The following CPEB3 variants were observed in gnomAD, a reference collection of about 807,000 sequenced individuals.
CPEB3 encodes the protein cytoplasmic polyadenylation element-binding protein 3.
CPEB3 carries 20 observed loss-of-function variants against 67.2 expected under a neutral mutation model. The observed-to-expected ratio is 0.30, with a 90% CI of 0.21 to 0.43. The LOEUF (loss-of-function observed/expected upper bound fraction) is 0.43. Ranked by LOEUF, CPEB3 falls within the 20% of genes least tolerant of loss-of-function variation. CPEB3 has a pLI of 1.00. For missense variants in CPEB3, 746 were observed against 968.6 expected (o/e 0.77, Z 3.05); for synonymous variants, 376 against 393.1 (o/e 0.96, Z 0.51).
intron 4 of CPEB3, among the ~76,000 whole-genome samples, chr10:92,172,781 T>G (rs1226623998): frequency 6.6e-6 from 1 of 152,202 alleles, no homozygotes; most frequent in African/African-American, 2.4e-5. Flanking sequence ...TGGGGTAAAG[T>G]TGGTGCTCAA....
rs1590029075 is a variant in CPEB3 at position 92,049,463 on chromosome 10, C to T, written c.*2749G>A. 1 of 152,282 alleles carries T rather than the reference C, an allele frequency of 6.6e-6. No individual in the cohort carries two copies. Among genetic ancestry groups the T allele is most frequent in the East Asian group, 1.9e-4 (1 of 5,190 alleles). The allele number at this position is 152,282 out of a possible 1,614,324, so 9.4% of individuals were successfully genotyped here. ...TAATATAACATTAACAACTTGGGGG[C>T]ACATTTATTTACAAAACAAAAGGGA... On this transcript the variant is annotated 3_prime_UTR_variant, in exon 10 of 10. Coordinates refer to ENST00000265997, the MANE Select transcript of CPEB3 (RefSeq NM_014912.5).
Position 92,049,078 on chromosome 10 carries a change from G to C in CPEB3, c.*3134C>G, listed in dbSNP as rs1852197387. 6.6e-6 allele frequency: 1 copy of C among 152,416 alleles called. No individual in the cohort carries two copies. Among genetic ancestry groups the C allele is most frequent in the African/African-American group, 2.4e-5 (1 of 41,370 alleles). The allele number at this position is 152,416 out of a possible 1,614,324, so 9.4% of individuals were successfully genotyped here. On this transcript the variant is annotated 3_prime_UTR_variant, in exon 10 of 10. Transcript: ENST00000265997. ...AATGAAAATTTGTCTCAGTACAAAGGCTACATTACTATTGAAAAAATACCA... is the reference window on the plus strand; with the variant it reads ...AATGAAAATTTGTCTCAGTACAAAGCCTACATTACTATTGAAAAAATACCA...
At chr10:92,082,555 C>T (rs917751181) in intron 8 of CPEB3, among the ~76,000 whole-genome samples, 1 of 152,278 alleles carries the variant, frequency 6.6e-6, no homozygotes, top group South Asian at 2.1e-4. Context: ...GCTGGGATTA[C>T]AGGCATGAGC....
At chr10:92,156,526 T>G (rs557560437) in intron 4 of CPEB3, among the ~76,000 whole-genome samples, 1 of 152,152 alleles carries the variant, frequency 6.6e-6, no homozygotes, top group Non-Finnish European at 1.5e-5. Flanking sequence ...GGTGACTGAT[T>G]AGTACGTGAG....
intron 1 of CPEB3, among the ~76,000 whole-genome samples, chr10:92,273,110 GAGA>G (rs1853374850): frequency 6.6e-6 from 1 of 152,178 alleles, no homozygotes; most frequent in African/African-American, 2.4e-5. Flanking sequence ...TGTGGTAAGA[GAGA>G]AGGATGACTC....
chr10:92,247,461 G>A (rs1852120366), intron 1 of CPEB3, among the ~76,000 whole-genome samples: 1 of 151,914 alleles, frequency 6.6e-6, no homozygotes, highest in South Asian at 2.1e-4. Flanking sequence ...GCAGTGGCGC[G>A]ATCTCAGCTC....
chr10:92,189,749 G>A (rs1191535740), intron 3 of CPEB3, among the ~76,000 whole-genome samples: 12 of 119,348 alleles, frequency 1.0e-4, no homozygotes, highest in East Asian at 2.4e-4. Flanking sequence ...TCGCTCTGTC[G>A]CCAGGCTGCA....
intron 8 of CPEB3, among the ~76,000 whole-genome samples, chr10:92,084,805 T>G (rs1302931436): frequency 2.3e-4 from 35 of 152,110 alleles, no homozygotes; most frequent in Non-Finnish European, 3.1e-4. Context: ...GGTCTCGATC[T>G]CCTGACCTCA....
intron 8 of CPEB3, among the ~76,000 whole-genome samples, chr10:92,083,556 A>G (rs921670280): frequency 6.6e-6 from 1 of 152,236 alleles, no homozygotes; most frequent in Non-Finnish European, 1.5e-5. Flanking sequence ...AGGCAAAATT[A>G]ATTGTTAATT....
chr10:92,170,201 A>C (rs1167738500), intron 4 of CPEB3, among the ~76,000 whole-genome samples: 2 of 152,284 alleles, frequency 1.3e-5, no homozygotes, highest in East Asian at 1.9e-4. Flanking sequence ...TGCAAGCTCA[A>C]GGATTTGCTA....
upstream of CPEB3, chr10:92,291,188 C>T (rs1842849723): frequency 1.2e-5 from 6 of 498,328 alleles, no homozygotes; most frequent in South Asian, 1.2e-4. Flanking sequence ...GTAGCTCCTC[C>T]GCCGGCAGCA....
At chr10:92,162,022 T>C (rs1847510688) in intron 4 of CPEB3, among the ~76,000 whole-genome samples, 1 of 152,214 alleles carries the variant, frequency 6.6e-6, no homozygotes, top group Non-Finnish European at 1.5e-5. Context: ...ATCCTATCTA[T>C]GCTAAGATGG....
intron 7 of CPEB3, among the ~76,000 whole-genome samples, chr10:92,108,261 A>G (rs768675297): frequency 2.0e-5 from 3 of 152,216 alleles, no homozygotes; most frequent in Non-Finnish European, 4.4e-5. Context: ...AGGAAGCACC[A>G]TGGCTCAAAA....
chr10:92,178,273 C>G (rs1250647620), intron 4 of CPEB3, among the ~76,000 whole-genome samples: 1 of 151,876 alleles, frequency 6.6e-6, no homozygotes, highest in Admixed American at 6.6e-5. Flanking sequence ...ATTCTCCTGC[C>G]TCAGCCTCCT....
chr10:92,177,459 T>G (rs1359895086), intron 4 of CPEB3, among the ~76,000 whole-genome samples: 1 of 152,230 alleles, frequency 6.6e-6, no homozygotes, highest in African/African-American at 2.4e-5. Context: ...AAATTTGGAA[T>G]GTGCCTCTTG....
intron 2 of CPEB3, among the ~76,000 whole-genome samples, chr10:92,212,817 C>T (rs1215367843): frequency 1.3e-5 from 2 of 152,102 alleles, no homozygotes; most frequent in Non-Finnish European, 2.9e-5. Flanking sequence ...CACCTATAAT[C>T]CCAGCACTTT....
intron 1 of CPEB3, among the ~76,000 whole-genome samples, chr10:92,258,949 C>A (rs914605039): frequency 6.6e-6 from 1 of 150,936 alleles, no homozygotes; most frequent in Admixed American, 6.6e-5. Context: ...CGAGCCACCA[C>A]GCCTGGCCCT....
chr10:92,208,260 A>G (rs994852449), intron 2 of CPEB3, among the ~76,000 whole-genome samples: 6 of 152,236 alleles, frequency 3.9e-5, no homozygotes, highest in Admixed American at 1.3e-4. Context: ...GTTGAATACC[A>G]GGGTAAAGAT....
At position 92,182,047 on chromosome 10, in the gene CPEB3, A is replaced by G. The variant is rs537299522; in HGVS notation, c.1166-1028T>C. 3.9e-5 allele frequency among the ~76,000 whole-genome samples: 6 copies of G among 152,370 alleles called. No individual in the cohort carries two copies. In the East Asian group the frequency reaches 1.2e-3, roughly 29 times the overall value. ...GCTTTCTTGACCAAATTCCTTCAAC[A>G]AAATAGTTATTGAAACAATGCTTTT... is the stretch of plus-strand genomic sequence containing the variant. On this transcript the variant is annotated intron_variant, in intron 3 of 9. Coordinates refer to ENST00000265997, the MANE Select transcript of CPEB3 (RefSeq NM_014912.5).
Sources: allele counts gnomAD v4.1 joint callset (sites outside exome capture counted in the v4.1 genomes callset), GRCh38; gene constraint gnomAD v4.1.1; transcripts MANE v1.5; gene names NCBI Gene and HGNC (gene_info 2026-07-23, HGNC 2026-07-21).